Variants in NBDY observed in about 807,000 individuals in gnomAD.
NBDY encodes P-body dissociating protein.
At chrX:56,734,496 A>G (rs1220182237) in intron 2 of NBDY, among the ~76,000 whole-genome samples, 1 of 112,794 alleles carries the variant, frequency 8.9e-6, no homozygotes, top group Non-Finnish European at 1.9e-5. Flanking sequence ...TTTAAACAAT[A>G]AAAGATATCA....
At chrX:56,782,148 G>A (rs2069695701) in intron 2 of NBDY, among the ~76,000 whole-genome samples, 2 of 111,520 alleles carry the variant, frequency 1.8e-5, no homozygotes, top group South Asian at 3.9e-4. Flanking sequence ...CACACACTGA[G>A]GTCTTCCTTA....
At chrX:56,734,995 A>G (rs1036234027) in intron 2 of NBDY, among the ~76,000 whole-genome samples, 1 of 112,058 alleles carries the variant, frequency 8.9e-6, no homozygotes, top group African/African-American at 3.2e-5. Context: ...CACAGTGAGC[A>G]AATAGATTCA....
intron 2 of NBDY, among the ~76,000 whole-genome samples, chrX:56,735,374 A>T (rs1208370630): frequency 8.9e-6 from 1 of 112,557 alleles, no homozygotes; most frequent in Non-Finnish European, 1.9e-5. Flanking sequence ...TGACTTTAGG[A>T]AGAACTCTCA....
intron 2 of NBDY, among the ~76,000 whole-genome samples, chrX:56,815,463 A>C (rs1329600106): frequency 6.2e-5 from 7 of 112,178 alleles, no homozygotes; most frequent in Non-Finnish European, 1.3e-4. Flanking sequence ...TAGAAATTTA[A>C]AGTATGATAA....
chrX:56,815,631 T>C (rs1223118321), intron 2 of NBDY, among the ~76,000 whole-genome samples: 1 of 112,197 alleles, frequency 8.9e-6, no homozygotes, highest in African/African-American at 3.2e-5. Context: ...AATTGGAAAC[T>C]GTCTCAGTTA....
chrX:56,739,238 G>GTATATATATA lies in NBDY; in HGVS notation c.*166+7055_*166+7064dup, dbSNP rs1198957018. Among the ~76,000 whole-genome samples, 69 of 59,588 alleles carry GTATATATATA rather than the reference G, an allele frequency of 1.2e-3. 1 individual carries two copies. The highest frequency in any genetic ancestry group is 3.1e-3 in the South Asian group (3 of 972). 51.7% of individuals were successfully genotyped at this position (59,588 alleles called of 115,157 possible). A position where few individuals can be genotyped will look rare whatever the true frequency, so the allele number is the denominator to read the frequency against. ...TACATATATATGTGTGTTTGTGTGT[G>GTATATATATA]TATATATATATATATATATATATAT... On this transcript the variant is annotated intron_variant, in intron 2 of 2. Coordinates refer to ENST00000374922, the MANE Select transcript of NBDY (RefSeq NM_001348129.2).
chrX:56,743,211 A>C (rs778617607), intron 2 of NBDY, among the ~76,000 whole-genome samples: 2 of 110,925 alleles, frequency 1.8e-5, no homozygotes. Flanking sequence ...TTGATTTGCT[A>C]GTAGTGTGTT....
intron 2 of NBDY, among the ~76,000 whole-genome samples, chrX:56,749,433 C>G: frequency 9.0e-6 from 1 of 110,829 alleles, no homozygotes; most frequent in Non-Finnish European, 1.9e-5. Flanking sequence ...CCATGTAATC[C>G]AAGGTAAAAA....
At chrX:56,792,002 C>A (rs1302530419) in intron 2 of NBDY, among the ~76,000 whole-genome samples, 1 of 100,352 alleles carries the variant, frequency 1.0e-5, no homozygotes, top group Admixed American at 1.1e-4. Context: ...TTTTTCTTTG[C>A]TTTTGCCTCT....
chrX:56,758,406 C>A (rs1459356150), intron 2 of NBDY, among the ~76,000 whole-genome samples: 1 of 110,421 alleles, frequency 9.1e-6, no homozygotes, highest in Non-Finnish European at 1.9e-5. Flanking sequence ...AGAACAGGGT[C>A]GAGAAAGGCA....
At chrX:56,762,720 G>A (rs974538738) in intron 2 of NBDY, among the ~76,000 whole-genome samples, 8 of 110,915 alleles carry the variant, frequency 7.2e-5, no homozygotes, top group African/African-American at 1.6e-4. Context: ...ACAACTATCC[G>A]GATTTCAGTG....
chrX:56,762,272 C>CTCTTT (rs748941351), intron 2 of NBDY, among the ~76,000 whole-genome samples: 84 of 110,994 alleles, frequency 7.6e-4, no homozygotes, highest in Non-Finnish European at 1.3e-3. Flanking sequence ...CTCTTTCTTT[C>CTCTTT]TCTTTTCTTT....
intron 2 of NBDY, among the ~76,000 whole-genome samples, chrX:56,751,284 A>G (rs917071340): frequency 9.9e-5 from 11 of 111,518 alleles, no homozygotes; most frequent in Non-Finnish European, 2.1e-4. Context: ...CTCATTTGTC[A>G]TAGCCTCAAT....
In NBDY at chrX:56,787,647, G is replaced by A. The variant is rs752447053; in HGVS notation, c.*167-29673G>A. Among the ~76,000 whole-genome samples the A allele has an allele frequency of 3.6e-5, 4 of 112,274 alleles. No homozygotes were observed. The South Asian group carries it at 1.5e-3, about 42-fold the overall frequency. Reference sequence around the variant, plus strand: ...CCACTTTGGGGTAGGGGTAGATAAAGTCCCCTTGGGATCCTTGTCCTTGTG... The same window carrying A: ...CCACTTTGGGGTAGGGGTAGATAAAATCCCCTTGGGATCCTTGTCCTTGTG... On this transcript the variant is annotated intron_variant, in intron 2 of 2. Transcript: ENST00000374922.
chrX:56,766,356 C>T (rs946822948), intron 2 of NBDY, among the ~76,000 whole-genome samples: 1 of 111,780 alleles, frequency 8.9e-6, no homozygotes, highest in Non-Finnish European at 1.9e-5. Flanking sequence ...CAGGGAGGCA[C>T]ACACAGACAC....
At chrX:56,738,865 G>A (rs2069511577) in intron 2 of NBDY, among the ~76,000 whole-genome samples, 1 of 110,933 alleles carries the variant, frequency 9.0e-6, no homozygotes, top group Admixed American at 9.6e-5. Flanking sequence ...CAACCATGTA[G>A]AAATGTGACT....
chrX:56,737,301 G>T, intron 2 of NBDY: 6 of 958,850 alleles, frequency 6.3e-6, no homozygotes, highest in Non-Finnish European at 9.0e-6. Context: ...TGCACATACA[G>T]TTCAAGGTAG....
chrX:56,757,208 T>C (rs779001790), intron 2 of NBDY, among the ~76,000 whole-genome samples: 51 of 112,226 alleles, frequency 4.5e-4, no homozygotes, highest in Non-Finnish European at 8.8e-4. Context: ...TATTTCATAA[T>C]ACATTAATAT....
Position 56,801,010 on chromosome X carries a change from G to A in NBDY, c.*167-16310G>A, listed in dbSNP as rs146899360. Among the ~76,000 whole-genome samples the A allele has an allele frequency of 7.1e-4, 79 of 111,388 alleles. 2 individuals are homozygous for A. In the East Asian group the frequency reaches 0.022, roughly 31 times the overall value. On this transcript the variant is annotated intron_variant, in intron 2 of 2. Coordinates refer to ENST00000374922, the MANE Select transcript of NBDY (RefSeq NM_001348129.2). Reference sequence around the variant, plus strand: ...CCCAGGCCTTGTAGATTAGAAGCCCGTGGCCCCTTGCAGTGCGCTGATGAC... The same window carrying A: ...CCCAGGCCTTGTAGATTAGAAGCCCATGGCCCCTTGCAGTGCGCTGATGAC...
Sources: allele counts gnomAD v4.1 joint callset (sites outside exome capture counted in the v4.1 genomes callset), GRCh38; gene constraint gnomAD v4.1.1; transcripts MANE v1.5; gene names NCBI Gene and HGNC (gene_info 2026-07-23, HGNC 2026-07-21).